The following GRIN1 variants were observed in gnomAD, a reference collection of about 807,000 sequenced individuals.
The protein encoded by GRIN1 is glutamate receptor ionotropic, NMDA 1.
A neutral mutation model predicts 103.0 loss-of-function variants in GRIN1; 38 were observed. The ratio of observed to expected loss-of-function variants is 0.37; its 90% CI spans 0.28 to 0.48. The LOEUF (loss-of-function observed/expected upper bound fraction) is 0.48. Ranked by LOEUF, GRIN1 falls within the 20% of genes least tolerant of loss-of-function variation. The pLI is 0.98. For missense variants in GRIN1, 577 were observed against 1,288.9 expected, an observed-to-expected ratio of 0.45 and a Z score of 8.46; for synonymous variants, 544 against 532.7, an observed-to-expected ratio of 1.02 and a Z score of -0.29.
chr9:137,156,734 T>C lies in GRIN1; in HGVS notation c.737T>C (p.Val246Ala). 1 of 1,589,200 alleles carries C rather than the reference T, an allele frequency of 6.3e-7. No homozygotes were observed. The highest frequency in any genetic ancestry group is 8.6e-7 in the Non-Finnish European group (1 of 1,169,024). ...AMLNMTGSGYVWLVGEREISG... is the reference protein window; with the variant it reads ...AMLNMTGSGYAWLVGEREISG... Reference sequence around the variant, plus strand: ...CTGAACATGACGGGCTCCGGGTACGTGTGGCTGGTCGGCGAGCGCGAGATC... The same window carrying C: ...CTGAACATGACGGGCTCCGGGTACGCGTGGCTGGTCGGCGAGCGCGAGATC... Residue 246 changes from valine (V) to alanine (A), a missense_variant, in exon 5 of 20, where the codon GTG becomes GCG. Physicochemically the swap from Val to Ala is moderately conservative, Grantham distance 64 (BLOSUM62 0). Around this residue, in one of 9 missense-constraint regions of GRIN1, gnomAD observed 308 missense variants for 553.6 expected, o/e 0.56. Transcript: ENST00000371561.
chr9:137,147,197 C>T (rs905321456), intron 3 of GRIN1, among the ~76,000 whole-genome samples: 12 of 152,196 alleles, frequency 7.9e-5, no homozygotes, highest in Non-Finnish European at 5.9e-5. Flanking sequence ...ATTCCCATCA[C>T]ACTCCACACC....
At chr9:137,167,111 T>C (rs1833922297) in intron 19 of GRIN1, among the ~76,000 whole-genome samples, 1 of 152,092 alleles carries the variant, frequency 6.6e-6, no homozygotes, top group South Asian at 2.1e-4. Flanking sequence ...AGTTCTGGCA[T>C]CACGTGGCAT....
At chr9:137,159,220 C>T (rs1833395527) in intron 8 of GRIN1, among the ~76,000 whole-genome samples, 1 of 152,148 alleles carries the variant, frequency 6.6e-6, no homozygotes, top group South Asian at 2.1e-4. Context: ...CCCTTGGCTC[C>T]CTACTCCAGG....
At chr9:137,166,803 T>A (rs997550658) in intron 19 of GRIN1, among the ~76,000 whole-genome samples, 2 of 151,380 alleles carry the variant, frequency 1.3e-5, no homozygotes, top group African/African-American at 4.9e-5. Flanking sequence ...GAGCCAGGAG[T>A]CCCGCAGGGA....
intron 4 of GRIN1, among the ~76,000 whole-genome samples, chr9:137,155,786 G>A (rs1324915723): frequency 6.6e-6 from 1 of 152,224 alleles, no homozygotes; most frequent in Admixed American, 6.5e-5. Context: ...GTCCACAGGG[G>A]CCCACCTGCA....
chr9:137,147,626 C>T (rs572825912), intron 3 of GRIN1, among the ~76,000 whole-genome samples: 2 of 152,366 alleles, frequency 1.3e-5, no homozygotes, highest in South Asian at 2.1e-4. Context: ...GCGCACATAA[C>T]GCACACACAC....
intron 4 of GRIN1, among the ~76,000 whole-genome samples, chr9:137,151,122 C>T (rs1394285772): frequency 1.5e-5 from 2 of 130,786 alleles, no homozygotes; most frequent in Admixed American, 1.5e-4. Context: ...AAAAAAGTCG[C>T]GCCCGGGGAA....
At chr9:137,163,379 G>A (rs201898111) in intron 16 of GRIN1, 49 bp downstream of exon 16, 18 of 1,601,160 alleles carry the variant, frequency 1.1e-5, no homozygotes, top group Non-Finnish European at 1.4e-5. Flanking sequence ...TCCGCCAGAG[G>A]TGGACGCCCT....
In GRIN1 at chr9:137,162,104, G is replaced by A. The variant is rs550321684; in HGVS notation, c.1632+16G>A. ...GGTCAAGAAGGTGGGCAGGGGCCGGGTGGCGGGGTGGCGGCGGGGGGAGTC... is the reference window on the plus strand; with the variant it reads ...GGTCAAGAAGGTGGGCAGGGGCCGGATGGCGGGGTGGCGGCGGGGGGAGTC... On this transcript the variant is annotated intron_variant, in intron 11 of 19. Coordinates refer to ENST00000371561, the MANE Select transcript of GRIN1 (RefSeq NM_007327.4). 3.4e-5 allele frequency: 52 copies of A among 1,518,134 alleles called. 1 individual carries two copies. The South Asian group carries it at 5.9e-4, about 17-fold the overall frequency. The allele number at this position is 1,518,134 out of a possible 1,614,324, so 94.0% of individuals were successfully genotyped here. A position where few individuals can be genotyped will look rare whatever the true frequency, so the allele number is the denominator to read the frequency against.
In GRIN1 at chr9:137,139,195, G is replaced by C. The variant is rs1462832552; in HGVS notation, c.-292G>C. The C allele has an allele frequency of 1.3e-5, 2 of 157,764 alleles. No homozygotes were observed. Among genetic ancestry groups the C allele is most frequent in the Non-Finnish European group, 1.4e-5 (1 of 71,424 alleles). The allele number at this position is 157,764 out of a possible 1,614,324, so 9.8% of individuals were successfully genotyped here. ...CCGGACCGGAACCAGCGCCGTCCGC[G>C]GAGCCGCCGCCGCCGCCGCCGGGCC... On this transcript the variant is annotated 5_prime_UTR_variant, in exon 1 of 20. Coordinates refer to ENST00000371561, the MANE Select transcript of GRIN1 (RefSeq NM_007327.4). This position sits in a 1 kb window ranked among gnomAD's most constrained non-coding sequence, Gnocchi z 7.7.
Position 137,145,764 on chromosome 9 carries a change from C to T in GRIN1, c.432C>T (p.Tyr144=). ...GCTTCCTGCGCACCGTGCCGCCCTA[C>T]TCCCACCAGTCCAGCGTGTGGTTTG... ...HLSFLRTVPP[Y]SHQSSVWFEM... Residue 144 remains tyrosine (Y), a synonymous_variant, in exon 3 of 20, where the codon TAC becomes TAT. Transcript: ENST00000371561. 6.2e-7 allele frequency: 1 copy of T among 1,613,572 alleles called. No homozygotes were observed. The highest frequency in any genetic ancestry group is 8.5e-7 in the Non-Finnish European group (1 of 1,179,678).
At chr9:137,166,279 C>T (rs377053146) in intron 19 of GRIN1, among the ~76,000 whole-genome samples, 8 of 152,314 alleles carry the variant, frequency 5.3e-5, no homozygotes, top group South Asian at 4.1e-4. Flanking sequence ...GTCCCTGTAG[C>T]GGATATGCAC....
rs768572879 is a variant in GRIN1, at chr9:137,139,508, A to C, written c.22A>C (p.Thr8Pro). The change falls in exon 1 of 20, where the codon ACG becomes CCG. Residue 8 changes from threonine (T) to proline (P), a missense_variant. This residue lies in a region of GRIN1 where 308 missense variants were observed against 553.6 expected (regional missense o/e 0.56). Coordinates refer to ENST00000371561, the MANE Select transcript of GRIN1 (RefSeq NM_007327.4). The surrounding 1 kb of genome is among the most constrained non-coding windows in gnomAD (Gnocchi z 7.7). MSTMRLL[T>P]LALLFSCSVA... ...GCCCATGAGCACCATGCGCCTGCTG[A>C]CGCTCGCCCTGCTGTTCTCCTGCTC... 22 of 1,599,354 alleles carry C rather than the reference A, an allele frequency of 1.4e-5. No individual in the cohort carries two copies. Among genetic ancestry groups the C allele is most frequent in the African/African-American group, 2.7e-5 (2 of 74,814 alleles).
In GRIN1 at chr9:137,144,511, C is replaced by T. The variant is rs546334904; in HGVS notation, c.394-1215C>T. Reference sequence around the variant, plus strand: ...CCACTAAAAATACAAAAAAATTAGCCGGGCGTGGTGGCGGGCGCCTGTAGT... The same window carrying T: ...CCACTAAAAATACAAAAAAATTAGCTGGGCGTGGTGGCGGGCGCCTGTAGT... On this transcript the variant is annotated intron_variant, in intron 2 of 19. Transcript: ENST00000371561. Among the ~76,000 whole-genome samples the T allele has an allele frequency of 1.5e-3, 235 of 152,074 alleles. 1 individual carries two copies. The highest frequency in any genetic ancestry group is 0.01 in the Middle Eastern group (3 of 294).
At chr9:137,148,315 G>T in intron 3 of GRIN1, 1 of 766,308 alleles carries the variant, frequency 1.3e-6, no homozygotes, top group Non-Finnish European at 2.1e-6. Context: ...CGAGCCGCAG[G>T]CCCAAGCAAT....
At chr9:137,155,500 CAAG>C (rs1833163916) in intron 4 of GRIN1, among the ~76,000 whole-genome samples, 2 of 152,340 alleles carry the variant, frequency 1.3e-5, no homozygotes, top group African/African-American at 4.8e-5. Flanking sequence ...GATCCCTCCT[CAAG>C]GAGGGGAGGG....
rs766459225 is a variant in GRIN1, at chr9:137,163,002, A to T, written c.2170A>T (p.Asn724Tyr). Residue 724 changes from asparagine (N) to tyrosine (Y), a missense_variant and splice_region_variant, in exon 15 of 20, where the codon AAC becomes TAC. By Grantham distance (143) the Asn-to-Tyr change is moderately radical. This residue lies in a region of GRIN1 where 59 missense variants were observed against 161.3 expected (regional missense o/e 0.37). Coordinates refer to ENST00000371561, the MANE Select transcript of GRIN1 (RefSeq NM_007327.4). ...GGAGGCCATCCAGGCCGTGAGAGAC[A>T]AGTGAGGCGCGGGCGGCCACCCTGG... ...AAEAIQAVRD[N>Y]KLHAFIWDSA... The T allele has an allele frequency of 6.3e-7, 1 of 1,595,304 alleles. No homozygotes were observed. Among genetic ancestry groups the T allele is most frequent in the African/African-American group, 1.3e-5 (1 of 74,708 alleles).
intron 4 of GRIN1, among the ~76,000 whole-genome samples, chr9:137,150,503 G>C (rs1404727409): frequency 3.9e-5 from 5 of 127,722 alleles, no homozygotes; most frequent in Non-Finnish European, 8.1e-5. Context: ...AGAAGTCTCC[G>C]CCCAGATAAA....
At chr9:137,140,536 T>C (rs542098922) in intron 1 of GRIN1, among the ~76,000 whole-genome samples, 182 of 152,340 alleles carry the variant, frequency 1.2e-3, no homozygotes, top group Non-Finnish European at 1.6e-3. Flanking sequence ...CACACACTCA[T>C]GCACCTCAGC....
Sources: allele counts gnomAD v4.1 joint callset (sites outside exome capture counted in the v4.1 genomes callset), GRCh38; gene constraint gnomAD v4.1.1; regional missense constraint gnomAD v4.1.1; non-coding constraint Gnocchi (gnomAD v3.1); transcripts MANE v1.5; gene names NCBI Gene and HGNC (gene_info 2026-07-23, HGNC 2026-07-21).